Variants in GABRR3 observed in about 807,000 individuals in gnomAD.
GABRR3 encodes the protein gamma-aminobutyric acid receptor subunit rho-3.
In GABRR3, 29 loss-of-function variants were observed where a neutral mutation model predicts 43.2. The ratio of observed to expected loss-of-function variants is 0.67; its 90% CI spans 0.50 to 0.92. The LOEUF is 0.92. Ranked by LOEUF, GABRR3 falls within the 40% of genes least tolerant of loss-of-function variation. The pLI is 0.00. For missense variants in GABRR3, 576 were observed against 572.3 expected (o/e 1.01, Z -0.07); for synonymous variants, 206 against 195.9 (o/e 1.05, Z -0.43).
At chr3:97,994,517 G>T (rs74447251) in intron 8 of GABRR3, among the ~76,000 whole-genome samples, 1 of 152,244 alleles carries the variant, frequency 6.6e-6, no homozygotes, top group South Asian at 2.1e-4. Flanking sequence ...TACTATCAAC[G>T]ATCTGCATAT....
At chr3:98,018,833 G>T (rs535730236) in intron 3 of GABRR3, among the ~76,000 whole-genome samples, 1 of 152,182 alleles carries the variant, frequency 6.6e-6, no homozygotes, top group African/African-American at 2.4e-5. Flanking sequence ...ATTTAGGCCG[G>T]GCGTGGTGGC....
chr3:97,995,072 G>A (rs1307551355), intron 8 of GABRR3, among the ~76,000 whole-genome samples: 5 of 151,910 alleles, frequency 3.3e-5, no homozygotes, highest in African/African-American at 1.2e-4. Flanking sequence ...TCCGCCTCCT[G>A]GGTTCAAGTG....
chr3:97,989,627 C>T (rs112789135), intron 9 of GABRR3, among the ~76,000 whole-genome samples: 5 of 152,100 alleles, frequency 3.3e-5, no homozygotes, highest in African/African-American at 1.2e-4. Flanking sequence ...CCTTTCTCAT[C>T]ATCCTTTGGC....
chr3:98,024,837 C>A (rs1312395093), intron 3 of GABRR3, among the ~76,000 whole-genome samples: 1 of 152,210 alleles, frequency 6.6e-6, no homozygotes, highest in African/African-American at 2.4e-5. Flanking sequence ...ACTTGGTACC[C>A]TCAGTGATGC....
rs531019754 is a variant in GABRR3, at chr3:97,986,993, A to C, written c.1105-11T>G. 3 of 1,530,998 alleles carry C rather than the reference A, an allele frequency of 2.0e-6. No individual in the cohort carries two copies. The highest frequency in any genetic ancestry group is 2.6e-6 in the Non-Finnish European group (3 of 1,142,172). The allele number at this position is 1,530,998 out of a possible 1,614,324, so 94.8% of individuals were successfully genotyped here. A position where few individuals can be genotyped will look rare whatever the true frequency, so the allele number is the denominator to read the frequency against. On this transcript the variant is annotated splice_polypyrimidine_tract_variant and intron_variant, in intron 9 of 9. Coordinates refer to ENST00000621172, the Ensembl canonical transcript of GABRR3. The stretch of plus-strand genomic sequence containing the variant: ...GTACATCCTAGAAATCTGTCAAAAA[A>C]CTTTTTTTTAAAGTAGGTCTTGAAT...
chr3:98,010,938 A>G (rs914303798), intron 5 of GABRR3, among the ~76,000 whole-genome samples: 2 of 152,126 alleles, frequency 1.3e-5, no homozygotes, highest in Admixed American at 6.5e-5. Flanking sequence ...TGTCTCTACT[A>G]AAAATAGAAA....
intron 8 of GABRR3, chr3:98,000,544 T>G (rs374145799): frequency 6.6e-6 from 1 of 152,166 alleles, no homozygotes; most frequent in African/African-American, 2.4e-5. Flanking sequence ...TATTCAAGTC[T>G]CAAATGCTTG....
At chr3:98,008,041 G>A in intron 6 of GABRR3, 137 bp from the exon 7 acceptor site, 2 of 683,238 alleles carry the variant, frequency 2.9e-6, no homozygotes, top group Non-Finnish European at 4.7e-6. Context: ...ATAAAAATAT[G>A]TTTGCCAATG....
At chr3:98,026,618 TCA>T (rs1707021930) in intron 2 of GABRR3, among the ~76,000 whole-genome samples, 10 of 57,914 alleles carry the variant, frequency 1.7e-4, no homozygotes, top group Admixed American at 9.1e-4. Context: ...ATCATCATCA[TCA>T]TCATCATCAT....
At chr3:98,007,959 G>A in intron 6 of GABRR3, 55 bp from the exon 7 acceptor site, 1 of 1,425,798 alleles carries the variant, frequency 7.0e-7, no homozygotes, top group East Asian at 2.5e-5. Context: ...TAAGCTCAAT[G>A]AGTTCTATAA....
chr3:98,021,942 G>A (rs921856623), intron 3 of GABRR3, among the ~76,000 whole-genome samples: 1 of 152,072 alleles, frequency 6.6e-6, no homozygotes, highest in African/African-American at 2.4e-5. Flanking sequence ...GCTGATTTTA[G>A]CTCCTCTTGA....
chr3:97,985,897 C>T (rs1400215031), downstream of GABRR3, among the ~76,000 whole-genome samples: 4 of 151,774 alleles, frequency 2.6e-5, no homozygotes, highest in East Asian at 1.9e-4. Context: ...GATGATGTCT[C>T]GCTCTGTCGC....
intron 7 of GABRR3, among the ~76,000 whole-genome samples, chr3:98,003,034 A>G (rs2107233162): frequency 6.6e-6 from 1 of 152,268 alleles, no homozygotes; most frequent in East Asian, 1.9e-4. Context: ...TAAGCTTCTA[A>G]CAGTCAGTTT....
chr3:97,986,329 A>G (rs1332437492), downstream of GABRR3, among the ~76,000 whole-genome samples: 1 of 152,202 alleles, frequency 6.6e-6, no homozygotes, highest in African/African-American at 2.4e-5. Context: ...GGCTGGCACT[A>G]AGAAACAAAA....
chr3:98,030,514 A>C (rs1707074214), intron 2 of GABRR3, among the ~76,000 whole-genome samples: 1 of 152,228 alleles, frequency 6.6e-6, no homozygotes, highest in Non-Finnish European at 1.5e-5. Context: ...TAGTTTCATG[A>C]ATCAGGATTA....
intron 7 of GABRR3, among the ~76,000 whole-genome samples, chr3:98,005,456 A>G (rs891403450): frequency 6.6e-6 from 1 of 152,152 alleles, no homozygotes; most frequent in South Asian, 2.1e-4. Context: ...TAGGAACCAA[A>G]ATGATATTTC....
At chr3:98,021,594 C>G (rs568990978) in intron 3 of GABRR3, among the ~76,000 whole-genome samples, 1 of 152,216 alleles carries the variant, frequency 6.6e-6, no homozygotes, top group South Asian at 2.1e-4. Flanking sequence ...TGTTATCTAT[C>G]TATTGGATCA....
At chr3:98,018,942 TCTA>T (rs1706905126) in intron 3 of GABRR3, among the ~76,000 whole-genome samples, 1 of 151,930 alleles carries the variant, frequency 6.6e-6, no homozygotes, top group Admixed American at 6.6e-5. Flanking sequence ...AAACCCCGTC[TCTA>T]CTAAAAATAC....
exon 9 of GABRR3, chr3:97,993,001 C>A: frequency 6.2e-7 from 1 of 1,612,694 alleles, no homozygotes; most frequent in Non-Finnish European, 8.5e-7. Flanking sequence ...GGCATGGAGG[C>A]GCTCACAGCA....
Sources: allele counts gnomAD v4.1 joint callset (sites outside exome capture counted in the v4.1 genomes callset), GRCh38; gene constraint gnomAD v4.1.1; transcripts MANE v1.5; gene names NCBI Gene and HGNC (gene_info 2026-07-23, HGNC 2026-07-21).